The following EYA1 variants were observed in gnomAD, a reference collection of about 807,000 sequenced individuals.
The protein encoded by EYA1 is protein phosphatase EYA1.
A neutral mutation model predicts 82.0 loss-of-function variants in EYA1; 16 were observed. That is an observed-to-expected ratio of 0.20 (90% CI 0.13 to 0.30). The LOEUF is 0.30. Among genes scored for constraint, EYA1 ranks in the 10% least tolerant of loss-of-function variants. The pLI is 1.00. For synonymous variants in EYA1, 261 were observed against 264.4 expected, an observed-to-expected ratio of 0.99 and a Z score of 0.12; for missense variants, 633 against 730.7, an observed-to-expected ratio of 0.87 and a Z score of 1.54.
At chr8:71,299,269 A>C (rs768120492) in intron 8 of EYA1, 36 bp from the exon 9 acceptor site, 8 of 1,594,472 alleles carry the variant, frequency 5.0e-6, no homozygotes, top group Admixed American at 5.0e-5. Flanking sequence ...TGTCTGTCAA[A>C]ATACTGCTGC....
chr8:71,401,823 CATTTT>C (rs1829974474), intron 2 of EYA1, among the ~76,000 whole-genome samples: 1 of 152,212 alleles, frequency 6.6e-6, no homozygotes, highest in African/African-American at 2.4e-5. Flanking sequence ...CTTTCTGAAT[CATTTT>C]TACTAAGCCC....
intron 3 of EYA1, among the ~76,000 whole-genome samples, chr8:71,340,125 T>A (rs748724698): frequency 6.6e-6 from 1 of 152,186 alleles, no homozygotes; most frequent in Non-Finnish European, 1.5e-5. Context: ...TTTCATAATT[T>A]AGATGTGCGT....
At chr8:71,420,113 G>A (rs952461192) in intron 2 of EYA1, among the ~76,000 whole-genome samples, 2 of 152,108 alleles carry the variant, frequency 1.3e-5, no homozygotes, top group African/African-American at 4.8e-5. Context: ...GTGCAAATAA[G>A]TGTCTAATAA....
At chr8:71,363,385 A>G (rs1277995818), upstream of EYA1, among the ~76,000 whole-genome samples, 1 of 152,172 alleles carries the variant, frequency 6.6e-6, no homozygotes, top group Non-Finnish European at 1.5e-5. Context: ...AACCACCGAA[A>G]GTATGCCAAT....
intron 2 of EYA1, among the ~76,000 whole-genome samples, chr8:71,372,669 C>G (rs574556903): frequency 3.3e-5 from 5 of 152,080 alleles, no homozygotes; most frequent in Admixed American, 2.0e-4. Context: ...GATACAATAA[C>G]AGATACATCT....
intron 4 of EYA1, among the ~76,000 whole-genome samples, chr8:71,326,836 T>A (rs950234027): frequency 5.9e-5 from 9 of 152,212 alleles, no homozygotes; most frequent in Non-Finnish European, 2.9e-5. Context: ...CCTGTTTCCA[T>A]GTCACCATTC....
At chr8:71,202,712 C>G (rs1409089931) in intron 17 of EYA1, among the ~76,000 whole-genome samples, 4 of 152,140 alleles carry the variant, frequency 2.6e-5, no homozygotes, top group African/African-American at 9.7e-5. Context: ...GACACTCCAC[C>G]CACAAGGATA....
At chr8:71,398,452 T>C (rs781103376) in intron 2 of EYA1, among the ~76,000 whole-genome samples, 26 of 152,188 alleles carry the variant, frequency 1.7e-4, no homozygotes, top group Non-Finnish European at 3.5e-4. Context: ...GTCTTTGATG[T>C]TGGTGACGTA....
intron 2 of EYA1, among the ~76,000 whole-genome samples, chr8:71,454,799 T>G (rs1807735517): frequency 6.6e-6 from 1 of 152,172 alleles, no homozygotes; most frequent in Non-Finnish European, 1.5e-5. Flanking sequence ...CAGCACTAAA[T>G]GCCCACAAAA....
intron 4 of EYA1, among the ~76,000 whole-genome samples, chr8:71,331,281 C>CAT (rs1219000256): frequency 2.4e-4 from 33 of 136,574 alleles, no homozygotes; most frequent in African/African-American, 9.8e-4. Flanking sequence ...CACACACACA[C>CAT]ACACATATAT....
intron 2 of EYA1, among the ~76,000 whole-genome samples, chr8:71,433,593 G>T (rs1318950666): frequency 6.6e-6 from 1 of 152,182 alleles, no homozygotes; most frequent in Non-Finnish European, 1.5e-5. Flanking sequence ...CCAGAAACAG[G>T]CAACGTAACA....
chr8:71,249,879 A>G (rs534060764), intron 11 of EYA1, among the ~76,000 whole-genome samples: 13 of 152,142 alleles, frequency 8.5e-5, no homozygotes, highest in Non-Finnish European at 1.5e-4. Context: ...CACCTACTGT[A>G]TTCATTCTTT....
chr8:71,441,276 G>A (rs1203131014), intron 2 of EYA1, among the ~76,000 whole-genome samples: 1 of 152,162 alleles, frequency 6.6e-6, no homozygotes, highest in Admixed American at 6.5e-5. Flanking sequence ...CCAGCATGAT[G>A]GCTGAAGCCT....
chr8:71,473,809 A>G (rs1189129184), intron 2 of EYA1, among the ~76,000 whole-genome samples: 1 of 152,224 alleles, frequency 6.6e-6, no homozygotes, highest in African/African-American at 2.4e-5. Context: ...CCAGATGCCC[A>G]TCAATGATAG....
rs1187053439 is a variant in EYA1, at chr8:71,277,841, A to T, written c.827-5944T>A. ...TAAAGGTTAATTATTTCTACAAGACAGCAAAAATATTTATAAATGAGAAAT... is the reference window on the plus strand; with the variant it reads ...TAAAGGTTAATTATTTCTACAAGACTGCAAAAATATTTATAAATGAGAAAT... On this transcript the variant is annotated intron_variant, in intron 9 of 17. Transcript: ENST00000340726. Among the ~76,000 whole-genome samples, 4 of 152,368 alleles carry T rather than the reference A, an allele frequency of 2.6e-5. 1 individual carries two copies. In the East Asian group the frequency reaches 7.7e-4, roughly 29 times the overall value.
At chr8:71,449,701 C>T (rs1348543457) in intron 2 of EYA1, among the ~76,000 whole-genome samples, 10 of 152,186 alleles carry the variant, frequency 6.6e-5, no homozygotes, top group African/African-American at 2.2e-4. Flanking sequence ...AGAGAGTCAG[C>T]CTGACCTTTG....
chr8:71,419,436 A>T (rs1831027161), intron 2 of EYA1, among the ~76,000 whole-genome samples: 1 of 152,166 alleles, frequency 6.6e-6, no homozygotes, highest in East Asian at 1.9e-4. Context: ...TCATCATAAC[A>T]TTCACTAAAA....
chr8:71,255,212 C>T (rs1814257261), intron 11 of EYA1, among the ~76,000 whole-genome samples: 1 of 152,116 alleles, frequency 6.6e-6, no homozygotes, highest in African/African-American at 2.4e-5. Flanking sequence ...CCTATCAAAT[C>T]CCCAATAGTA....
intron 2 of EYA1, among the ~76,000 whole-genome samples, chr8:71,444,814 A>G (rs916977332): frequency 2.0e-5 from 3 of 152,230 alleles, no homozygotes; most frequent in Admixed American, 6.5e-5. Flanking sequence ...ACCAGATTTC[A>G]CTTCGTGGGA....
Sources: allele counts gnomAD v4.1 joint callset (sites outside exome capture counted in the v4.1 genomes callset), GRCh38; gene constraint gnomAD v4.1.1; transcripts MANE v1.5; gene names NCBI Gene and HGNC (gene_info 2026-07-23, HGNC 2026-07-21).